EFHC1: variants seen among roughly 807,000 people sequenced by gnomAD.
EFHC1 encodes the protein EF-hand domain containing 1.
Under a neutral mutation model 69.9 loss-of-function variants are expected in EFHC1, and 53 were observed. That is an observed-to-expected ratio of 0.76 (90% CI 0.61 to 0.95). The LOEUF (loss-of-function observed/expected upper bound fraction) is 0.95, where lower values mean the gene tolerates loss of function less well. EFHC1 is among the 40% of genes least tolerant of loss of function. The pLI, the probability that EFHC1 is intolerant of heterozygous loss-of-function variation, is 0.00. For missense variants in EFHC1, 739 were observed against 798.7 expected, an observed-to-expected ratio of 0.93 and a Z score of 0.90; for synonymous variants, 256 against 278.4, an observed-to-expected ratio of 0.92 and a Z score of 0.80.
intron 5 of EFHC1, among the ~76,000 whole-genome samples, 181 bp downstream of exon 5, chr6:52,454,468 C>G (rs1031812416): frequency 6.6e-6 from 1 of 151,990 alleles, no homozygotes; most frequent in Non-Finnish European, 1.5e-5. Context: ...CAGGCGTGCC[C>G]CCAAGACAGT....
chr6:52,473,782 C>CTTAA (rs140576085), intron 7 of EFHC1, among the ~76,000 whole-genome samples: 8 of 151,624 alleles, frequency 5.3e-5, no homozygotes, highest in Middle Eastern at 3.4e-3. Context: ...GCTCTGTCTC[C>CTTAA]TTAATTAATT....
Position 52,479,253 on chromosome 6 carries a change from A to G in EFHC1, c.1492+3A>G. 2 of 1,613,982 alleles carry G rather than the reference A, an allele frequency of 1.2e-6. No homozygotes were observed. The highest frequency in any genetic ancestry group is 1.7e-6 in the Non-Finnish European group (2 of 1,179,962). On this transcript the variant is annotated splice_donor_region_variant and intron_variant, in intron 8 of 10. Coordinates refer to ENST00000371068, the MANE Select transcript of EFHC1 (RefSeq NM_018100.4). ...CTTCATTGGTGCTGTGATTGAAGGT[A>G]GGTCTAAACACAGTCCAGAATTTCC...
chr6:52,420,536 C>A, intron 1 of EFHC1, 63 bp downstream of exon 1: 1 of 1,583,020 alleles, frequency 6.3e-7, no homozygotes, highest in Non-Finnish European at 8.7e-7. Context: ...GAGGTTTCCC[C>A]GCTCAGTGCA....
intron 4 of EFHC1, 34 bp downstream of exon 4, chr6:52,452,871 A>G (rs777468570): frequency 6.2e-7 from 1 of 1,613,586 alleles, no homozygotes; most frequent in African/African-American, 1.3e-5. Context: ...AGGCTTACTT[A>G]TTTCCAAATG....
At chr6:52,427,744 G>A (rs1764332834) in intron 2 of EFHC1, among the ~76,000 whole-genome samples, 1 of 152,002 alleles carries the variant, frequency 6.6e-6, no homozygotes, top group African/African-American at 2.4e-5. Flanking sequence ...TCTTGTCTGT[G>A]TCACTGCTGA....
Position 52,493,521 on chromosome 6 carries a change from G to A in EFHC1, c.*1180G>A, listed in dbSNP as rs4455668. 0.89 allele frequency: 360,233 copies of A among 406,720 alleles called. 159,796 individuals are homozygous for A. The highest frequency in any genetic ancestry group is 0.96 in the East Asian group (13,423 of 13,972). The allele number at this position is 406,720 out of a possible 1,614,324, so 25.2% of individuals were successfully genotyped here. A position where few individuals can be genotyped will look rare whatever the true frequency, so the allele number is the denominator to read the frequency against. On this transcript the variant is annotated 3_prime_UTR_variant, in exon 11 of 11. Coordinates refer to ENST00000371068, the MANE Select transcript of EFHC1 (RefSeq NM_018100.4). ...AGAAAAATTAGCCAGGTGTGGTGGC[G>A]TGTGCCTGTAGTCCCAGCCACTCGG...
chr6:52,495,245 G>T lies in EFHC1; in HGVS notation c.*2904G>T. On this transcript the variant is annotated 3_prime_UTR_variant, in exon 11 of 11. Coordinates refer to ENST00000371068, the MANE Select transcript of EFHC1 (RefSeq NM_018100.4). ...CCCTTTCCTTTAGACTGTTTCAGGG[G>T]AGAACCAGGTACCCCAAATCTTATG... is the stretch of plus-strand genomic sequence containing the variant. 2.2e-6 allele frequency: 1 copy of T among 454,090 alleles called. No homozygotes were observed. Among genetic ancestry groups the T allele is most frequent in the South Asian group, 1.6e-5 (1 of 64,474 alleles). 28.1% of individuals were successfully genotyped at this position (454,090 alleles called of 1,614,324 possible).
chr6:52,479,226 T>G lies in EFHC1; in HGVS notation c.1468T>G (p.Phe490Val), dbSNP rs1239651593. 1 of 1,614,126 alleles carries G rather than the reference T, an allele frequency of 6.2e-7. No individual in the cohort carries two copies. The highest frequency in any genetic ancestry group is 1.1e-5 in the South Asian group (1 of 91,082). The change falls in exon 8 of 11, where the codon TTC becomes GTC. Residue 490 changes from phenylalanine (F) to valine (V), a missense_variant. Phe to Val is a conservative substitution (Grantham distance 50). Transcript: ENST00000371068. ...DNPVYYGPSDFFIGAVIEVFG... is the reference protein window; with the variant it reads ...DNPVYYGPSDVFIGAVIEVFG... ...CCCTGTCTACTATGGCCCCAGTGAC[T>G]TCTTCATTGGTGCTGTGATTGAAGG...
Position 52,470,032 on chromosome 6 carries a change from GA to G in EFHC1, c.1278+567del, listed in dbSNP as rs201866128. On this transcript the variant is annotated intron_variant, in intron 7 of 10. Coordinates refer to ENST00000371068, the MANE Select transcript of EFHC1 (RefSeq NM_018100.4). ...TTCAAAGTGTAAGGTCTTTAAAATGGAAAAAAAATGTAGAATAGGAACCTAA... is the reference window on the plus strand; with the variant it reads ...TTCAAAGTGTAAGGTCTTTAAAATGGAAAAAAATGTAGAATAGGAACCTAA... Among the ~76,000 whole-genome samples the G allele has an allele frequency of 2.6e-5, 4 of 151,504 alleles. No individual in the cohort carries two copies. In the East Asian group the frequency reaches 5.8e-4, roughly 22 times the overall value.
chr6:52,471,508 A>G (rs1234993368), intron 7 of EFHC1, among the ~76,000 whole-genome samples: 1 of 152,226 alleles, frequency 6.6e-6, no homozygotes, highest in Non-Finnish European at 1.5e-5. Context: ...AACATAAAGA[A>G]AAGTGACCAG....
intron 9 of EFHC1, chr6:52,487,389 T>C (rs192271145): frequency 4.6e-5 from 7 of 152,378 alleles, no homozygotes; most frequent in Middle Eastern, 3.4e-3. Flanking sequence ...GTCTACTAGG[T>C]TGGCATTTCT....
chr6:52,460,432 T>C (rs1477110964), intron 5 of EFHC1, among the ~76,000 whole-genome samples: 2 of 152,232 alleles, frequency 1.3e-5, no homozygotes, highest in Non-Finnish European at 2.9e-5. Flanking sequence ...ATGTTTATTA[T>C]TTTGATTGTA....
intron 2 of EFHC1, among the ~76,000 whole-genome samples, chr6:52,436,168 A>G (rs574579222): frequency 3.9e-5 from 6 of 152,294 alleles, no homozygotes; most frequent in African/African-American, 1.4e-4. Flanking sequence ...AGTTCTTTGC[A>G]GTTGATCTAA....
intron 6 of EFHC1, chr6:52,468,939 GACTT>G (rs756392341): frequency 1.0e-5 from 3 of 292,804 alleles, no homozygotes; most frequent in Non-Finnish European, 2.0e-5. Flanking sequence ...GGACTATATG[GACTT>G]ACTTGTTAAA....
intron 2 of EFHC1, among the ~76,000 whole-genome samples, chr6:52,426,422 C>G (rs1764302035): frequency 6.6e-6 from 1 of 152,128 alleles, no homozygotes; most frequent in African/African-American, 2.4e-5. Flanking sequence ...TCTTTAGCCT[C>G]CCTTCCTCTT....
At chr6:52,426,523 G>A (rs760934003) in intron 2 of EFHC1, among the ~76,000 whole-genome samples, 4 of 151,838 alleles carry the variant, frequency 2.6e-5, no homozygotes, top group East Asian at 1.9e-4. Flanking sequence ...GATTTCAACC[G>A]TCACCTCACC....
chr6:52,423,819 G>A, intron 1 of EFHC1, 127 bp from the exon 2 acceptor site: 2 of 1,537,206 alleles, frequency 1.3e-6, no homozygotes, highest in African/African-American at 2.7e-5. Flanking sequence ...ATGTTGGTAA[G>A]CTTCTTGATG....
intron 5 of EFHC1, among the ~76,000 whole-genome samples, chr6:52,463,026 T>C (rs1191724041): frequency 6.6e-6 from 1 of 151,840 alleles, no homozygotes; most frequent in Non-Finnish European, 1.5e-5. Context: ...GTTTGTTTTG[T>C]TTTGTTTGTT....
At position 52,490,887 on chromosome 6, in the gene EFHC1, CT is replaced by C. The variant is rs549574242; in HGVS notation, c.1851+541del. On this transcript the variant is annotated intron_variant, in intron 10 of 10. Coordinates refer to ENST00000371068, the MANE Select transcript of EFHC1 (RefSeq NM_018100.4). ...GTGAGTTGAAGGGGGACTTTCATGC[CT>C]TTTCTTCATTATAAACCCTTTAGCC... 1.6e-3 allele frequency: 255 copies of C among 161,664 alleles called. 1 individual carries two copies. Among genetic ancestry groups the C allele is most frequent in the African/African-American group, 5.3e-3 (220 of 41,770 alleles). The allele number at this position is 161,664 out of a possible 1,614,324, so 10.0% of individuals were successfully genotyped here. A position where few individuals can be genotyped will look rare whatever the true frequency, so the allele number is the denominator to read the frequency against.
Sources: allele counts gnomAD v4.1 joint callset (sites outside exome capture counted in the v4.1 genomes callset), GRCh38; gene constraint gnomAD v4.1.1; transcripts MANE v1.5; gene names NCBI Gene and HGNC (gene_info 2026-07-23, HGNC 2026-07-21).